The following BRINP3 variants were observed in gnomAD, a reference collection of about 807,000 sequenced individuals.
The protein encoded by BRINP3 is BMP/retinoic acid inducible neural specific 3, also known as BMP/retinoic acid-inducible neural-specific protein 3.
BRINP3 carries 19 observed loss-of-function variants against 71.0 expected under a neutral mutation model. That is an observed-to-expected ratio of 0.27 (90% confidence interval 0.19 to 0.39). The LOEUF (loss-of-function observed/expected upper bound fraction) is 0.39. Among genes scored for constraint, BRINP3 ranks in the 10% least tolerant of loss-of-function variants. BRINP3 has a pLI of 1.00. For synonymous variants in BRINP3, 380 were observed against 337.7 expected (o/e 1.13, Z -1.37); for missense variants, 959 against 940.8 (o/e 1.02, Z -0.25).
At chr1:190,296,669 A>G (rs914098392) in intron 2 of BRINP3, among the ~76,000 whole-genome samples, 32 of 152,212 alleles carry the variant, frequency 2.1e-4, no homozygotes, top group African/African-American at 7.2e-4. Flanking sequence ...AGAAAACCCT[A>G]AAGACTCCAC....
chr1:190,318,938 T>C (rs1275824738), intron 2 of BRINP3, among the ~76,000 whole-genome samples: 1 of 152,150 alleles, frequency 6.6e-6, no homozygotes, highest in Non-Finnish European at 1.5e-5. Flanking sequence ...TAGATCTATA[T>C]ATTTCATTCT....
intron 2 of BRINP3, among the ~76,000 whole-genome samples, chr1:190,302,419 TTA>T (rs1371129128): frequency 5.9e-5 from 9 of 151,360 alleles, no homozygotes; most frequent in African/African-American, 2.2e-4. Context: ...AAAATAATTT[TTA>T]GTTAATAGTA....
chr1:190,102,673 G>A (rs1429489558), intron 7 of BRINP3, among the ~76,000 whole-genome samples: 1 of 152,032 alleles, frequency 6.6e-6, no homozygotes, highest in Non-Finnish European at 1.5e-5. Context: ...ACATTATAGT[G>A]AAGGAACTAC....
rs758577140 is a variant in BRINP3 at position 190,454,917 on chromosome 1, A to G, written c.-27T>C. On this transcript the variant is annotated 5_prime_UTR_variant, in exon 2 of 8. An upstream start codon of the reference 5' UTR is lost. Transcript: ENST00000367462. ...CTTCCACTGGGGATTTAGAGCCTTCATTCTCTCAGCTTTCCCTCAACACCT... is the reference window on the plus strand; with the variant it reads ...CTTCCACTGGGGATTTAGAGCCTTCGTTCTCTCAGCTTTCCCTCAACACCT... 1 of 1,583,848 alleles carries G rather than the reference A, an allele frequency of 6.3e-7. No homozygotes were observed.
intron 2 of BRINP3, among the ~76,000 whole-genome samples, chr1:190,325,823 T>C (rs536877936): frequency 3.9e-5 from 6 of 152,228 alleles, no homozygotes; most frequent in African/African-American, 1.4e-4. Flanking sequence ...TATAAAATGA[T>C]TTGTCATTTT....
At chr1:190,424,860 T>C (rs1174035641) in intron 2 of BRINP3, among the ~76,000 whole-genome samples, 1 of 151,678 alleles carries the variant, frequency 6.6e-6, no homozygotes, top group African/African-American at 2.4e-5. Flanking sequence ...GAAATGCCTA[T>C]ATTGTATCAA....
chr1:190,251,928 T>C (rs566279894), intron 4 of BRINP3, among the ~76,000 whole-genome samples: 2 of 151,442 alleles, frequency 1.3e-5, no homozygotes, highest in African/African-American at 4.9e-5. Flanking sequence ...TTTTTCTTTT[T>C]ATTCAGACAA....
chr1:190,229,483 G>A (rs750286491), intron 5 of BRINP3, among the ~76,000 whole-genome samples: 22 of 151,782 alleles, frequency 1.4e-4, no homozygotes, highest in South Asian at 6.2e-4. Context: ...TTTATTAGCA[G>A]CATAAGAACA....
intron 2 of BRINP3, among the ~76,000 whole-genome samples, chr1:190,433,072 A>T (rs1016105875): frequency 6.6e-6 from 1 of 152,190 alleles, no homozygotes; most frequent in African/African-American, 2.4e-5. Flanking sequence ...TAACGAACTG[A>T]GTAGTTCGGA....
chr1:190,194,273 T>C (rs1184304469), intron 6 of BRINP3, among the ~76,000 whole-genome samples: 1 of 152,080 alleles, frequency 6.6e-6, no homozygotes, highest in Non-Finnish European at 1.5e-5. Context: ...CAAGAAAGTA[T>C]TCTCCTGTAG....
chr1:190,370,755 G>A (rs1669810988), intron 2 of BRINP3, among the ~76,000 whole-genome samples: 2 of 152,176 alleles, frequency 1.3e-5, no homozygotes, highest in Non-Finnish European at 1.5e-5. Flanking sequence ...GATCCTGAGA[G>A]TAAGAGCCAA....
Position 190,281,679 on chromosome 1 carries a change from A to C in BRINP3, c.308T>G (p.Leu103Arg). ...RRNFLGSPLP[L>R]APEFFRNIRL... The stretch of plus-strand genomic sequence containing the variant: ...TATGTTGCGGAAGAATTCAGGGGCA[A>C]GAGGCAGAGGAGAGCCAAGGAAATT... Residue 103 changes from leucine to arginine, a missense_variant, in exon 3 of 8, where the codon CTT becomes CGT. Coordinates refer to ENST00000367462, the MANE Select transcript of BRINP3 (RefSeq NM_199051.3). 1 of 1,612,966 alleles carries C rather than the reference A, an allele frequency of 6.2e-7. No homozygotes were observed. Among genetic ancestry groups the C allele is most frequent in the Non-Finnish European group, 8.5e-7 (1 of 1,179,330 alleles).
At chr1:190,129,916 A>T (rs538191710) in intron 7 of BRINP3, among the ~76,000 whole-genome samples, 13 of 152,012 alleles carry the variant, frequency 8.6e-5, no homozygotes, top group Non-Finnish European at 1.9e-4. Flanking sequence ...ACAACATTTA[A>T]CATTCCTATA....
chr1:190,468,112 G>A (rs1424567034), intron 1 of BRINP3, among the ~76,000 whole-genome samples: 1 of 151,176 alleles, frequency 6.6e-6, no homozygotes, highest in Admixed American at 6.6e-5. Context: ...TTAATTAATA[G>A]TTAATAATTG....
intron 2 of BRINP3, among the ~76,000 whole-genome samples, chr1:190,293,636 C>T (rs2102974537): frequency 6.6e-6 from 1 of 152,220 alleles, no homozygotes; most frequent in African/African-American, 2.4e-5. Flanking sequence ...CCCCTATTAT[C>T]ATTGCATTGA....
At chr1:190,189,761 T>C (rs953281337) in intron 6 of BRINP3, among the ~76,000 whole-genome samples, 4 of 152,190 alleles carry the variant, frequency 2.6e-5, no homozygotes, top group African/African-American at 9.6e-5. Context: ...TTACCATTTC[T>C]TTAGGCCATA....
At chr1:190,420,366 T>G (rs1329581692) in intron 2 of BRINP3, among the ~76,000 whole-genome samples, 1 of 152,006 alleles carries the variant, frequency 6.6e-6, no homozygotes, top group East Asian at 1.9e-4. Flanking sequence ...TAACTGATTA[T>G]TCACAGGGGA....
chr1:190,425,237 T>C (rs1673626927), intron 2 of BRINP3, among the ~76,000 whole-genome samples: 1 of 151,720 alleles, frequency 6.6e-6, no homozygotes, highest in Non-Finnish European at 1.5e-5. Context: ...TTTACATAGA[T>C]ATAAAATAAT....
Position 190,294,155 on chromosome 1 carries a change from T to C in BRINP3, c.237-12405A>G, listed in dbSNP as rs113062530. 7.6e-3 allele frequency among the ~76,000 whole-genome samples: 1,154 copies of C among 152,310 alleles called. 11 individuals are homozygous for C. The highest frequency in any genetic ancestry group is 0.025 in the African/African-American group (1,056 of 41,556). On this transcript the variant is annotated intron_variant, in intron 2 of 7. Transcript: ENST00000367462. ...AAGTTATTTCCTCTGGTGGTATTTTTAATTCCTTAAGTTTTACTTTTAGGG... is the reference window on the plus strand; with the variant it reads ...AAGTTATTTCCTCTGGTGGTATTTTCAATTCCTTAAGTTTTACTTTTAGGG...
Sources: allele counts gnomAD v4.1 joint callset (sites outside exome capture counted in the v4.1 genomes callset), GRCh38; gene constraint gnomAD v4.1.1; transcripts MANE v1.5; gene names NCBI Gene and HGNC (gene_info 2026-07-23, HGNC 2026-07-21).